GRID1: variants seen among roughly 807,000 people sequenced by gnomAD.
GRID1 encodes the protein glutamate receptor ionotropic, delta-1.
Under a neutral mutation model 98.0 loss-of-function variants are expected in GRID1, and 28 were observed. The observed-to-expected ratio is 0.29, with a 90% CI of 0.21 to 0.39. The LOEUF (loss-of-function observed/expected upper bound fraction) is 0.39, where lower values mean the gene tolerates loss of function less well. Among genes scored for constraint, GRID1 ranks in the 10% least tolerant of loss-of-function variants. The probability of loss-of-function intolerance (pLI) is 1.00; values close to 1 mark genes in which losing one functional copy is unlikely to be tolerated. For missense variants in GRID1, 1,111 were observed against 1,340.5 expected (o/e 0.83, Z 2.67); for synonymous variants, 553 against 538.5 (o/e 1.03, Z -0.37).
chr10:85,853,326 G>A (rs7895144), intron 8 of GRID1, among the ~76,000 whole-genome samples: 19,908 of 152,224 alleles, frequency 0.13, 1,427 homozygotes, highest in Middle Eastern at 0.2. Flanking sequence ...CAGGCTAGAG[G>A]GCTCTTTGCT....
chr10:85,912,884 T>G (rs754282417), intron 5 of GRID1, among the ~76,000 whole-genome samples: 7 of 152,252 alleles, frequency 4.6e-5, no homozygotes, highest in Non-Finnish European at 8.8e-5. Flanking sequence ...CATTTGTCTG[T>G]GGCTCTATAC....
chr10:86,179,359 A>G (rs994638202), intron 3 of GRID1, among the ~76,000 whole-genome samples: 1 of 150,968 alleles, frequency 6.6e-6, no homozygotes, highest in Non-Finnish European at 1.5e-5. Context: ...CCAGACATTT[A>G]CTCATTCAAA....
chr10:86,342,923 G>C (rs6586005), intron 2 of GRID1, among the ~76,000 whole-genome samples: 145,454 of 152,370 alleles, frequency 0.95, 69,540 homozygotes, highest in East Asian at 1. Flanking sequence ...GCGTTCCTTG[G>C]TGTATATGCC....
chr10:85,728,073 G>A (rs754830765), intron 9 of GRID1, 21 bp from the exon 10 acceptor site: 5 of 1,520,560 alleles, frequency 3.3e-6, no homozygotes, highest in Non-Finnish European at 4.6e-6. Context: ...CAGAATGAAG[G>A]TTCTCCAATT....
intron 8 of GRID1, among the ~76,000 whole-genome samples, chr10:85,771,713 A>T (rs1842269876): frequency 6.6e-6 from 1 of 152,226 alleles, no homozygotes; most frequent in African/African-American, 2.4e-5. Flanking sequence ...CAAATATCAA[A>T]AGAGACAAAG....
At chr10:86,095,621 C>A (rs1307766208) in intron 4 of GRID1, among the ~76,000 whole-genome samples, 1 of 152,170 alleles carries the variant, frequency 6.6e-6, no homozygotes. Flanking sequence ...CTCAACATCA[C>A]TAATGATCAA....
chr10:85,638,290 A>T (rs980069966), intron 13 of GRID1, among the ~76,000 whole-genome samples: 10 of 152,350 alleles, frequency 6.6e-5, no homozygotes, highest in Admixed American at 5.2e-4. Flanking sequence ...AATGATCCTT[A>T]TATTAAATGT....
intron 12 of GRID1, among the ~76,000 whole-genome samples, chr10:85,658,180 C>T (rs1168719076): frequency 6.6e-6 from 1 of 152,028 alleles, no homozygotes; most frequent in Non-Finnish European, 1.5e-5. Context: ...CAGCCTGAGT[C>T]TCTTCTCTCC....
At chr10:85,670,656 G>T (rs755822553) in intron 12 of GRID1, among the ~76,000 whole-genome samples, 10 of 152,070 alleles carry the variant, frequency 6.6e-5, no homozygotes, top group Non-Finnish European at 1.3e-4. Context: ...TTCATCTCCT[G>T]CTCGTGGCCA....
chr10:86,327,181 C>A (rs12262612), intron 2 of GRID1, among the ~76,000 whole-genome samples: 41,297 of 151,998 alleles, frequency 0.27, 6,746 homozygotes, highest in African/African-American at 0.46. Flanking sequence ...AGTCATCCTG[C>A]GAAAATGAAC....
chr10:85,599,821 A>ATATATATATATATATATATATATATATG lies in GRID1; in HGVS notation c.*2451_*2452insCATATATATATATATATATATATATATA, dbSNP rs1470286241. 10 of 129,314 alleles carry ATATATATATATATATATATATATATATG rather than the reference A, an allele frequency of 7.7e-5. No homozygotes were observed. Among genetic ancestry groups the ATATATATATATATATATATATATATATG allele is most frequent in the African/African-American group, 2.8e-4 (9 of 32,096 alleles). 8.0% of individuals were successfully genotyped at this position (129,314 alleles called of 1,614,324 possible). A position where few individuals can be genotyped will look rare whatever the true frequency, so the allele number is the denominator to read the frequency against. ...AAAAAAAATATATATATATATATATAAACATGGTGAAGAATAACACCATGA... is the reference window on the plus strand; with the variant it reads ...AAAAAAAATATATATATATATATATATATATATATATATATATATATATATATGAACATGGTGAAGAATAACACCATGA... On this transcript the variant is annotated 3_prime_UTR_variant, in exon 16 of 16. Coordinates refer to ENST00000327946, the MANE Select transcript of GRID1 (RefSeq NM_017551.3).
At chr10:85,836,583 T>C (rs993462148) in intron 8 of GRID1, among the ~76,000 whole-genome samples, 2 of 152,060 alleles carry the variant, frequency 1.3e-5, no homozygotes, top group Non-Finnish European at 2.9e-5. Context: ...GGATAGCTGA[T>C]TAGAGAAGTG....
At chr10:86,062,104 C>T (rs1420325807) in intron 4 of GRID1, among the ~76,000 whole-genome samples, 1 of 152,164 alleles carries the variant, frequency 6.6e-6, no homozygotes. Flanking sequence ...TCCAACTGTG[C>T]AATGGGGATA....
Position 86,138,972 on chromosome 10 carries a change from G to A in GRID1, c.573C>T (p.Asp191=), listed in dbSNP as rs17106320. The A allele has an allele frequency of 0.14, 232,550 of 1,613,384 alleles. 18,395 individuals carry two copies. Among genetic ancestry groups the A allele is most frequent in the African/African-American group, 0.26 (19,190 of 74,960 alleles). Residue 191 remains aspartate, a synonymous_variant, in exon 4 of 16, where the codon GAC becomes GAT. Coordinates refer to ENST00000327946, the MANE Select transcript of GRID1 (RefSeq NM_017551.3). ...FLDQASRLGL[D]VSLQKVDKNI... ...TCTTGTCCACCTTTTGTAAAGAGAC[G>A]TCAAGGCCCAGCCGCGAGGCCTGGT...
chr10:86,303,043 A>C (rs957235548), intron 2 of GRID1, among the ~76,000 whole-genome samples: 1 of 152,204 alleles, frequency 6.6e-6, no homozygotes, highest in African/African-American at 2.4e-5. Context: ...GGTATAAGAG[A>C]TATTTTGGGG....
chr10:86,056,755 C>T (rs1564661619), intron 4 of GRID1, among the ~76,000 whole-genome samples: 2 of 152,250 alleles, frequency 1.3e-5, no homozygotes, highest in Admixed American at 6.5e-5. Flanking sequence ...GATCTTATAG[C>T]AGAGACTGTA....
chr10:85,599,802 A>AAAAAATATATATATAT lies in GRID1; in HGVS notation c.*2470_*2471insATATATATATATTTTT. 1.8e-4 allele frequency: 12 copies of AAAAAATATATATATAT among 64,984 alleles called. No individual in the cohort carries two copies. Among genetic ancestry groups the AAAAAATATATATATAT allele is most frequent in the African/African-American group, 3.7e-4 (4 of 10,732 alleles). 4.0% of individuals were successfully genotyped at this position (64,984 alleles called of 1,614,324 possible). On this transcript the variant is annotated 3_prime_UTR_variant, in exon 16 of 16. Coordinates refer to ENST00000327946, the MANE Select transcript of GRID1 (RefSeq NM_017551.3). ...GTAGAAAATTCTAAAAAAAAAAAAAAATATATATATATATATATAAACATG... is the reference window on the plus strand; with the variant it reads ...GTAGAAAATTCTAAAAAAAAAAAAAAAAAAATATATATATATATATATATATATATATATAAACATG...
intron 5 of GRID1, among the ~76,000 whole-genome samples, chr10:85,907,357 C>A (rs981336394): frequency 2.6e-5 from 4 of 152,144 alleles, no homozygotes; most frequent in African/African-American, 9.7e-5. Flanking sequence ...AGTGATGTGC[C>A]TGCCTCGGCC....
intron 4 of GRID1, among the ~76,000 whole-genome samples, chr10:86,021,225 A>G (rs1275846438): frequency 2.6e-5 from 4 of 152,192 alleles, no homozygotes; most frequent in Non-Finnish European, 5.9e-5. Flanking sequence ...TTAACTCCCT[A>G]TCTGGGCTTC....
Sources: allele counts gnomAD v4.1 joint callset (sites outside exome capture counted in the v4.1 genomes callset), GRCh38; gene constraint gnomAD v4.1.1; transcripts MANE v1.5; gene names NCBI Gene and HGNC (gene_info 2026-07-23, HGNC 2026-07-21).